LINGO2: variants seen among roughly 807,000 people sequenced by gnomAD.
The protein encoded by LINGO2 is leucine rich repeat and Ig domain containing 2.
A neutral mutation model predicts 30.6 loss-of-function variants in LINGO2; 14 were observed. That is an observed-to-expected ratio of 0.46 (90% confidence interval 0.30 to 0.72). The LOEUF (loss-of-function observed/expected upper bound fraction) is 0.72. Ranked by LOEUF, LINGO2 falls within the 30% of genes least tolerant of loss-of-function variation. The probability of loss-of-function intolerance (pLI) is 0.07; values close to 1 mark genes in which losing one functional copy is unlikely to be tolerated. For missense variants in LINGO2, 729 were observed against 751.7 expected, an observed-to-expected ratio of 0.97 and a Z score of 0.35; for synonymous variants, 317 against 288.5, an observed-to-expected ratio of 1.10 and a Z score of -1.00.
chr9:28,154,640 T>C (rs866158017), intron 4 of LINGO2, among the ~76,000 whole-genome samples: 15 of 152,336 alleles, frequency 9.8e-5, no homozygotes, highest in South Asian at 6.2e-4. Context: ...CTCTAAAGAA[T>C]GACAGTGTGC....
chr9:28,284,582 A>G (rs76473807), intron 4 of LINGO2, among the ~76,000 whole-genome samples: 1,804 of 152,296 alleles, frequency 0.012, 35 homozygotes, highest in African/African-American at 0.042. Flanking sequence ...AATAAAATAC[A>G]TGTAATAAAA....
the LINGO2 span, among the ~76,000 whole-genome samples, chr9:28,800,558 A>G: frequency 2.0e-5 from 3 of 152,018 alleles, no homozygotes; most frequent in Non-Finnish European, 2.9e-5. Flanking sequence ...TCTCTACTCA[A>G]TGCTAGCAGT....
At chr9:28,850,861 C>T in the LINGO2 span, among the ~76,000 whole-genome samples, 1 of 151,914 alleles carries the variant, frequency 6.6e-6, no homozygotes. Context: ...GGAAATTCTC[C>T]CCAAAATGCC....
the LINGO2 span, among the ~76,000 whole-genome samples, chr9:28,709,872 A>C: frequency 1.3e-5 from 2 of 151,976 alleles, no homozygotes; most frequent in Non-Finnish European, 2.9e-5. Context: ...TTAATATGCC[A>C]ATGTCTCTTG....
chr9:28,500,714 G>A (rs1484973774), intron 1 of LINGO2, among the ~76,000 whole-genome samples: 1 of 151,954 alleles, frequency 6.6e-6, no homozygotes, highest in Non-Finnish European at 1.5e-5. Flanking sequence ...TGGAAGAGAT[G>A]ATTTTTTAAT....
chr9:28,585,799 A>G (rs1824504191), intron 1 of LINGO2, among the ~76,000 whole-genome samples: 1 of 152,034 alleles, frequency 6.6e-6, no homozygotes, highest in Non-Finnish European at 1.5e-5. Context: ...ATCTGTTCTT[A>G]TTTTTGTTGT....
the LINGO2 span, among the ~76,000 whole-genome samples, chr9:28,980,637 A>G: frequency 0.65 from 98,886 of 151,836 alleles, 32,803 homozygotes; most frequent in Non-Finnish European, 0.72. Context: ...TGCTCCCGCC[A>G]TCTCCAAATG....
chr9:28,388,437 C>T (rs1318694066), intron 2 of LINGO2, among the ~76,000 whole-genome samples: 1 of 152,154 alleles, frequency 6.6e-6, no homozygotes, highest in African/African-American at 2.4e-5. Context: ...AGGTTTATAG[C>T]TAAGAATAGA....
intron 4 of LINGO2, among the ~76,000 whole-genome samples, chr9:28,093,044 T>G (rs1826142400): frequency 6.6e-6 from 1 of 152,044 alleles, no homozygotes; most frequent in Admixed American, 6.6e-5. Flanking sequence ...ACTTAGCAAG[T>G]TGAACAGGTA....
chr9:27,961,676 T>C (rs1315152112), intron 5 of LINGO2, among the ~76,000 whole-genome samples: 2 of 152,180 alleles, frequency 1.3e-5, no homozygotes, highest in African/African-American at 4.8e-5. Flanking sequence ...ATTAATCTGA[T>C]TCCAACACGA....
At chr9:28,737,443 T>C in the LINGO2 span, among the ~76,000 whole-genome samples, 1 of 152,212 alleles carries the variant, frequency 6.6e-6, no homozygotes, top group African/African-American at 2.4e-5. Flanking sequence ...CATGGCTTGT[T>C]ACATGATATT....
chr9:27,963,029 A>G (rs1237137633), intron 5 of LINGO2, among the ~76,000 whole-genome samples: 8 of 152,176 alleles, frequency 5.3e-5, no homozygotes, highest in African/African-American at 1.9e-4. Flanking sequence ...ATAGACTTAA[A>G]GAAGCAACAT....
the LINGO2 span, among the ~76,000 whole-genome samples, chr9:29,012,868 C>G: frequency 3.2e-4 from 49 of 152,252 alleles, no homozygotes; most frequent in Non-Finnish European, 5.6e-4. Context: ...CTTTGATCCA[C>G]TAGAAACCAC....
At chr9:28,233,139 C>CTGTG (rs141778131) in intron 4 of LINGO2, among the ~76,000 whole-genome samples, 123 of 137,650 alleles carry the variant, frequency 8.9e-4, no homozygotes, top group African/African-American at 3.2e-3. Flanking sequence ...TATGTGTGGT[C>CTGTG]TGTGTGTGTG....
chr9:28,885,082 C>T, the LINGO2 span, among the ~76,000 whole-genome samples: 1 of 139,392 alleles, frequency 7.2e-6, no homozygotes, highest in Non-Finnish European at 1.5e-5. Flanking sequence ...TCCCTGCTGG[C>T]ACTGCAGGGT....
the LINGO2 span, chr9:27,942,785 C>T: frequency 6.6e-6 from 1 of 152,078 alleles, no homozygotes; most frequent in Non-Finnish European, 1.5e-5. Flanking sequence ...ACAAAAAAAT[C>T]TAACCACCCT....
the LINGO2 span, among the ~76,000 whole-genome samples, chr9:29,019,379 T>G: frequency 6.6e-6 from 1 of 152,204 alleles, no homozygotes; most frequent in Non-Finnish European, 1.5e-5. Context: ...TTTAGGAGAC[T>G]AGTGTAGGCA....
chr9:29,165,277 T>A, the LINGO2 span, among the ~76,000 whole-genome samples: 14 of 152,262 alleles, frequency 9.2e-5, no homozygotes, highest in South Asian at 2.7e-3. Flanking sequence ...ACACATTTAT[T>A]GAGTAACTAT....
intron 1 of LINGO2, among the ~76,000 whole-genome samples, chr9:28,559,687 GT>G (rs1822936659): frequency 6.6e-6 from 1 of 151,964 alleles, no homozygotes; most frequent in African/African-American, 2.4e-5. Context: ...AAGTTACAAA[GT>G]TTTTATGTCA....
Sources: allele counts gnomAD v4.1 joint callset (sites outside exome capture counted in the v4.1 genomes callset), GRCh38; gene constraint gnomAD v4.1.1; transcripts MANE v1.5; gene names NCBI Gene and HGNC (gene_info 2026-07-23, HGNC 2026-07-21).